Variants in TGFBR3 observed in about 807,000 individuals in gnomAD.
The protein encoded by TGFBR3 is transforming growth factor beta receptor type 3.
In TGFBR3, 46 loss-of-function variants were observed where a neutral mutation model predicts 87.9. That is an observed-to-expected ratio of 0.52 (90% confidence interval 0.41 to 0.67). The LOEUF (loss-of-function observed/expected upper bound fraction) is 0.67. Ranked by LOEUF, TGFBR3 falls within the 30% of genes least tolerant of loss-of-function variation. The pLI is 0.00. For missense variants in TGFBR3, 866 were observed against 1,041.9 expected (o/e 0.83, Z 2.32); for synonymous variants, 381 against 391.6 (o/e 0.97, Z 0.32).
intron 1 of TGFBR3, among the ~76,000 whole-genome samples, chr1:91,882,517 G>A (rs1156562201): frequency 1.3e-5 from 2 of 151,962 alleles, no homozygotes; most frequent in Non-Finnish European, 2.9e-5. Flanking sequence ...GGCTGAGGTA[G>A]GCGGATCACA....
intron 2 of TGFBR3, among the ~76,000 whole-genome samples, chr1:91,813,052 G>T (rs1020067456): frequency 6.6e-6 from 1 of 152,068 alleles, no homozygotes; most frequent in African/African-American, 2.4e-5. Context: ...ATCAAGTCTG[G>T]ATGAAGACCA....
At chr1:91,832,543 T>C (rs558544020) in intron 2 of TGFBR3, among the ~76,000 whole-genome samples, 2 of 152,152 alleles carry the variant, frequency 1.3e-5, no homozygotes, top group Non-Finnish European at 2.9e-5. Context: ...ACTTTACAGA[T>C]GAAAGAACTA....
At position 91,861,603 on chromosome 1, in the gene TGFBR3, C is replaced by A. The variant is rs978086521; in HGVS notation, c.-72G>T. The A allele has an allele frequency of 3.3e-6, 4 of 1,229,982 alleles. No individual in the cohort carries two copies. In the African/African-American group the frequency reaches 4.5e-5, roughly 14 times the overall value. 76.2% of individuals were successfully genotyped at this position (1,229,982 alleles called of 1,614,324 possible). On this transcript the variant is annotated 5_prime_UTR_variant, in exon 2 of 17. Coordinates refer to ENST00000212355, the MANE Select transcript of TGFBR3 (RefSeq NM_003243.5). Reference sequence around the variant, plus strand: ...CAGAGCACAGACAATCTTTGCAAATCAGAAGTAGTCTTAAAGTCCCTCCTT... The same window carrying A: ...CAGAGCACAGACAATCTTTGCAAATAAGAAGTAGTCTTAAAGTCCCTCCTT...
chr1:91,766,595 GCAGT>G (rs1297071053), intron 3 of TGFBR3, among the ~76,000 whole-genome samples: 1 of 81,588 alleles, frequency 1.2e-5, no homozygotes, highest in Non-Finnish European at 2.8e-5. Context: ...CCTGCTACGT[GCAGT>G]CAGAGATTGA....
At chr1:91,771,682 G>A (rs1404210976) in intron 3 of TGFBR3, among the ~76,000 whole-genome samples, 2 of 144,110 alleles carry the variant, frequency 1.4e-5, no homozygotes, top group African/African-American at 2.6e-5. Context: ...CTCCAGCCTG[G>A]GTGACAGAGC....
intron 2 of TGFBR3, among the ~76,000 whole-genome samples, chr1:91,832,517 C>T (rs1676886692): frequency 6.6e-6 from 1 of 152,158 alleles, no homozygotes; most frequent in African/African-American, 2.4e-5. Context: ...CCTTGAGATA[C>T]ACTATTATTG....
At chr1:91,777,919 C>T (rs1674624214) in intron 3 of TGFBR3, among the ~76,000 whole-genome samples, 2 of 152,062 alleles carry the variant, frequency 1.3e-5, no homozygotes, top group African/African-American at 4.8e-5. Context: ...GGAGAGAGGC[C>T]TCCACTCAAC....
In TGFBR3 at chr1:91,681,788, T is replaced by C; in HGVS notation, c.*1951A>G. 1 of 446,336 alleles carries C rather than the reference T, an allele frequency of 2.2e-6. No homozygotes were observed. Among genetic ancestry groups the C allele is most frequent in the Non-Finnish European group, 4.4e-6 (1 of 224,986 alleles). 27.6% of individuals were successfully genotyped at this position (446,336 alleles called of 1,614,324 possible). A position where few individuals can be genotyped will look rare whatever the true frequency, so the allele number is the denominator to read the frequency against. ...CTTCTTTGAAGACATCTTTAAACTT[T>C]TTTATACATAGAATATGCTGAAACA... On this transcript the variant is annotated 3_prime_UTR_variant, in exon 17 of 17. Transcript: ENST00000212355.
At chr1:91,806,099 A>G (rs1316430376) in intron 2 of TGFBR3, among the ~76,000 whole-genome samples, 1 of 152,206 alleles carries the variant, frequency 6.6e-6, no homozygotes, top group Non-Finnish European at 1.5e-5. Context: ...AAAAGACTTC[A>G]TGAACTTAAT....
At chr1:91,883,537 C>T (rs981003553) in intron 1 of TGFBR3, among the ~76,000 whole-genome samples, 1 of 152,080 alleles carries the variant, frequency 6.6e-6, no homozygotes, top group Non-Finnish European at 1.5e-5. Context: ...ACTCTAAAAA[C>T]GGGTTTATGC....
intron 6 of TGFBR3, among the ~76,000 whole-genome samples, chr1:91,729,150 T>TATACACAC (rs1672661152): frequency 1.5e-5 from 1 of 66,856 alleles, no homozygotes; most frequent in Admixed American, 1.7e-4. Context: ...CACTCCAGCA[T>TATACACAC]ACACACACAC....
intron 4 of TGFBR3, among the ~76,000 whole-genome samples, chr1:91,741,046 C>T (rs1301348245): frequency 6.6e-6 from 1 of 152,166 alleles, no homozygotes; most frequent in Non-Finnish European, 1.5e-5. Context: ...CCCACACCAA[C>T]TAATTCTCCA....
chr1:91,835,618 G>A (rs1677028750), intron 2 of TGFBR3, among the ~76,000 whole-genome samples: 1 of 151,928 alleles, frequency 6.6e-6, no homozygotes, highest in Non-Finnish European at 1.5e-5. Flanking sequence ...CATGAGGTCA[G>A]GAGATCGAGA....
chr1:91,875,947 A>G (rs1193044917), intron 1 of TGFBR3, among the ~76,000 whole-genome samples: 1 of 151,806 alleles, frequency 6.6e-6, no homozygotes, highest in African/African-American at 2.4e-5. Context: ...AAAGAAACAA[A>G]ATGGAAGACT....
In TGFBR3 at chr1:91,767,464, C is replaced by CCAT. The variant is rs1328730465; in HGVS notation, c.247-8717_247-8715dup. ...ATCATGGTGGCAGCAGTAGTAATAA[C>CCAT]CATCATCATCATCATCTCCTAAGGA... On this transcript the variant is annotated intron_variant, in intron 3 of 16. Transcript: ENST00000212355. 3.8e-5 allele frequency among the ~76,000 whole-genome samples: 5 copies of CCAT among 133,118 alleles called. 2 individuals carry two copies. The South Asian group carries it at 1.1e-3, about 30-fold the overall frequency. The allele number at this position is 133,118 out of a possible 152,430, so 87.3% of individuals were successfully genotyped here.
At chr1:91,833,440 G>A (rs1382493166) in intron 2 of TGFBR3, among the ~76,000 whole-genome samples, 5 of 125,446 alleles carry the variant, frequency 4.0e-5, no homozygotes, top group South Asian at 2.8e-4. Context: ...CACCCTGGGC[G>A]ACAGAGCAAA....
In TGFBR3 at chr1:91,755,473, C is replaced by T. The variant is rs115206931; in HGVS notation, c.384+3140G>A. ...AAAAAACCGTTTTCCCTAAAGGAAG[C>T]CTGCTGGACAACAAAGCAGAGTTCA... On this transcript the variant is annotated intron_variant, in intron 4 of 16. Coordinates refer to ENST00000212355, the MANE Select transcript of TGFBR3 (RefSeq NM_003243.5). 4.9e-3 allele frequency among the ~76,000 whole-genome samples: 744 copies of T among 152,270 alleles called. 5 individuals are homozygous for T. The highest frequency in any genetic ancestry group is 6.0e-3 in the Non-Finnish European group (408 of 68,028).
rs1484744268 is a variant in TGFBR3, at chr1:91,884,079, TG to T, written c.-114+1798del. Among the ~76,000 whole-genome samples the T allele has an allele frequency of 2.6e-5, 4 of 152,268 alleles. No homozygotes were observed. The East Asian group carries it at 7.7e-4, about 29-fold the overall frequency. ...GCTCACACCTGTAATCCCAGCACTT[TG>T]GGAGGCCGAGGCAGGTGGATCACGA... On this transcript the variant is annotated intron_variant, in intron 1 of 16. Transcript: ENST00000212355.
chr1:91,719,638 T>C (rs927478301), intron 9 of TGFBR3, among the ~76,000 whole-genome samples, 174 bp from the exon 10 acceptor site: 2 of 152,120 alleles, frequency 1.3e-5, no homozygotes, highest in African/African-American at 2.4e-5. Flanking sequence ...TCAAGGGTAG[T>C]ATCTGTTGGC....
Sources: allele counts gnomAD v4.1 joint callset (sites outside exome capture counted in the v4.1 genomes callset), GRCh38; gene constraint gnomAD v4.1.1; transcripts MANE v1.5; gene names NCBI Gene and HGNC (gene_info 2026-07-23, HGNC 2026-07-21).